The following EDIL3 variants were observed in gnomAD, a reference collection of about 807,000 sequenced individuals.
EDIL3 encodes EGF like and discoidin domains 3.
In EDIL3, 37 loss-of-function variants were observed where a neutral mutation model predicts 67.4. The ratio of observed to expected loss-of-function variants is 0.55; its 90% CI spans 0.42 to 0.72. The LOEUF (loss-of-function observed/expected upper bound fraction) is 0.72, where lower values mean the gene tolerates loss of function less well. Among genes scored for constraint, EDIL3 ranks in the 30% least tolerant of loss-of-function variants. EDIL3 has a pLI of 0.00. For synonymous variants in EDIL3, 195 were observed against 196.3 expected (o/e 0.99, Z 0.05); for missense variants, 527 against 586.3 (o/e 0.90, Z 1.04).
intron 9 of EDIL3, among the ~76,000 whole-genome samples, chr5:83,994,890 TTTTA>T (rs1745210502): frequency 6.6e-6 from 1 of 152,178 alleles, no homozygotes; most frequent in African/African-American, 2.4e-5. Flanking sequence ...CTTATCTCCT[TTTTA>T]TTTCTTTCTT....
intron 4 of EDIL3, among the ~76,000 whole-genome samples, chr5:84,179,877 A>G (rs999515931): frequency 5.3e-5 from 8 of 152,128 alleles, no homozygotes; most frequent in African/African-American, 1.7e-4. Flanking sequence ...TCCAAGATAA[A>G]TAAGAATTGG....
intron 9 of EDIL3, among the ~76,000 whole-genome samples, chr5:83,988,602 T>C (rs540046400): frequency 2.8e-4 from 42 of 152,248 alleles, no homozygotes; most frequent in Admixed American, 8.5e-4. Flanking sequence ...TCCTGTGCCC[T>C]CTCTGAGCTG....
At chr5:84,069,387 G>A (rs769219076) in intron 6 of EDIL3, among the ~76,000 whole-genome samples, 11 of 151,986 alleles carry the variant, frequency 7.2e-5, no homozygotes, top group Non-Finnish European at 1.3e-4. Flanking sequence ...TGTCACTTCC[G>A]ACCTATATAA....
At chr5:84,227,713 T>C (rs1056336834) in intron 3 of EDIL3, among the ~76,000 whole-genome samples, 2 of 152,094 alleles carry the variant, frequency 1.3e-5, no homozygotes, top group African/African-American at 4.8e-5. Flanking sequence ...GAAAATGTAG[T>C]ACATATAAAC....
intron 1 of EDIL3, among the ~76,000 whole-genome samples, chr5:84,328,622 T>C (rs1746812654): frequency 6.6e-6 from 1 of 152,054 alleles, no homozygotes; most frequent in Non-Finnish European, 1.5e-5. Context: ...CACTCTGCTA[T>C]CTCTTTACCA....
At chr5:84,067,598 A>G (rs1490629441) in intron 6 of EDIL3, among the ~76,000 whole-genome samples, 1 of 152,204 alleles carries the variant, frequency 6.6e-6, no homozygotes, top group East Asian at 1.9e-4. Context: ...TTATTTTCCA[A>G]AGAAAATCAG....
At chr5:84,012,569 A>G (rs1745535629) in intron 9 of EDIL3, among the ~76,000 whole-genome samples, 1 of 152,140 alleles carries the variant, frequency 6.6e-6, no homozygotes, top group Non-Finnish European at 1.5e-5. Context: ...GTCCAGTAGC[A>G]TTTGGAAAAA....
At chr5:84,311,763 T>C (rs1185315993) in intron 1 of EDIL3, among the ~76,000 whole-genome samples, 1 of 152,072 alleles carries the variant, frequency 6.6e-6, no homozygotes, top group Non-Finnish European at 1.5e-5. Context: ...TGATGACTCT[T>C]AACGAGCATG....
At chr5:84,358,111 G>A (rs771282691) in intron 1 of EDIL3, among the ~76,000 whole-genome samples, 3 of 152,004 alleles carry the variant, frequency 2.0e-5, no homozygotes, top group African/African-American at 4.8e-5. Context: ...AAAATACATG[G>A]GAACCCCAGA....
rs181384383 is a variant in EDIL3 at position 84,322,389 on chromosome 5, C to A, written c.67+61919G>T. Reference sequence around the variant, plus strand: ...AAGGAGATGGGAAATCTAAAAAGAACCAAAAATACATTCTAGAAATGAAAA... The same window carrying A: ...AAGGAGATGGGAAATCTAAAAAGAAACAAAAATACATTCTAGAAATGAAAA... On this transcript the variant is annotated intron_variant, in intron 1 of 10. Transcript: ENST00000296591. Among the ~76,000 whole-genome samples the A allele has an allele frequency of 6.3e-3, 956 of 151,564 alleles. 6 individuals are homozygous for A. Among genetic ancestry groups the A allele is most frequent in the Middle Eastern group, 0.01 (3 of 294 alleles).
At chr5:84,088,875 C>A (rs1367588805) in intron 6 of EDIL3, among the ~76,000 whole-genome samples, 1 of 151,896 alleles carries the variant, frequency 6.6e-6, no homozygotes. Flanking sequence ...GTAGCAAAAA[C>A]ATCAAAAGCA....
In EDIL3 at chr5:83,971,542, T is replaced by C. The variant is rs564718702; in HGVS notation, c.1138-8182A>G. Among the ~76,000 whole-genome samples the C allele has an allele frequency of 4.6e-5, 7 of 152,184 alleles. No individual in the cohort carries two copies. In the East Asian group the frequency reaches 7.8e-4, roughly 17 times the overall value. On this transcript the variant is annotated intron_variant, in intron 9 of 10. Transcript: ENST00000296591. The stretch of plus-strand genomic sequence containing the variant: ...CTTAGCCTCCAAAAATATTTTTATA[T>C]ATGCTCTTGAAATTTGGTTGTTTTT...
chr5:84,064,120 T>G (rs1030529288), intron 8 of EDIL3, among the ~76,000 whole-genome samples: 3 of 152,132 alleles, frequency 2.0e-5, no homozygotes, highest in African/African-American at 7.2e-5. Context: ...ACCACTATTT[T>G]TACAATAAAC....
At chr5:84,286,326 T>TA (rs2112113058) in intron 1 of EDIL3, among the ~76,000 whole-genome samples, 1 of 152,244 alleles carries the variant, frequency 6.6e-6, no homozygotes, top group African/African-American at 2.4e-5. Context: ...GTCGTTATTT[T>TA]AAAAGAAAAA....
At chr5:84,328,096 A>C (rs1746799688) in intron 1 of EDIL3, among the ~76,000 whole-genome samples, 4 of 152,082 alleles carry the variant, frequency 2.6e-5, no homozygotes, top group Admixed American at 2.6e-4. Context: ...TTGCTTCATT[A>C]GAGTAAGAAA....
At chr5:84,176,680 T>C (rs1748921192) in intron 4 of EDIL3, among the ~76,000 whole-genome samples, 1 of 152,004 alleles carries the variant, frequency 6.6e-6, no homozygotes, top group Non-Finnish European at 1.5e-5. Context: ...TTTCAAAAGT[T>C]TGACCTGTAG....
intron 5 of EDIL3, among the ~76,000 whole-genome samples, chr5:84,131,723 C>G (rs1306664176): frequency 1.3e-5 from 2 of 152,014 alleles, no homozygotes; most frequent in African/African-American, 4.8e-5. Context: ...TGCTTAAAAT[C>G]AACATACATG....
At chr5:83,968,834 T>C (rs1422724725) in intron 9 of EDIL3, among the ~76,000 whole-genome samples, 1 of 151,968 alleles carries the variant, frequency 6.6e-6, no homozygotes, top group Non-Finnish European at 1.5e-5. Flanking sequence ...TCACTGAGAA[T>C]GGGAGGTAAC....
intron 6 of EDIL3, among the ~76,000 whole-genome samples, chr5:84,101,269 C>T (rs1747360412): frequency 6.6e-6 from 1 of 151,968 alleles, no homozygotes; most frequent in African/African-American, 2.4e-5. Flanking sequence ...AAAGTTCTGA[C>T]AACTTGGATA....
Sources: allele counts gnomAD v4.1 joint callset (sites outside exome capture counted in the v4.1 genomes callset), GRCh38; gene constraint gnomAD v4.1.1; transcripts MANE v1.5; gene names NCBI Gene and HGNC (gene_info 2026-07-23, HGNC 2026-07-21).